The following EYA4 variants were observed in gnomAD, a reference collection of about 807,000 sequenced individuals.
EYA4 encodes protein phosphatase EYA4.
A neutral mutation model predicts 87.9 loss-of-function variants in EYA4; 31 were observed. The observed-to-expected ratio is 0.35, with a 90% confidence interval of 0.27 to 0.48. The LOEUF (loss-of-function observed/expected upper bound fraction) is 0.48. EYA4 is among the 20% of genes least tolerant of loss of function. The pLI is 0.99. For missense variants in EYA4, 678 were observed against 761.4 expected (o/e 0.89, Z 1.29); for synonymous variants, 263 against 270.6 (o/e 0.97, Z 0.28).
At chr6:133,266,880 T>A (rs1483617066) in intron 1 of EYA4, among the ~76,000 whole-genome samples, 1 of 152,206 alleles carries the variant, frequency 6.6e-6, no homozygotes, top group Non-Finnish European at 1.5e-5. Context: ...GTTTACATTA[T>A]CAGATACATT....
chr6:133,503,844 T>G (rs547761019), intron 13 of EYA4, among the ~76,000 whole-genome samples: 1 of 152,192 alleles, frequency 6.6e-6, no homozygotes, highest in African/African-American at 2.4e-5. Context: ...AAAAAAGAAT[T>G]TTATACTTGA....
intron 18 of EYA4, chr6:133,524,942 A>G (rs1800495711): frequency 2.3e-6 from 3 of 1,282,874 alleles, no homozygotes; most frequent in Non-Finnish European, 3.4e-6. Flanking sequence ...AAGAGGCATT[A>G]ACTTAACACT....
In EYA4 at chr6:133,531,192, T is replaced by C; in HGVS notation, c.*2387T>C. 3.3e-6 allele frequency: 5 copies of C among 1,535,164 alleles called. No individual in the cohort carries two copies. Among genetic ancestry groups the C allele is most frequent in the Non-Finnish European group, 4.4e-6 (5 of 1,146,814 alleles). ...GCAGTTTCTCACACACATCTCTTTT[T>C]CTGATTCTGTGTTCAGAAGAGGCTG... On this transcript the variant is annotated 3_prime_UTR_variant, in exon 20 of 20. Coordinates refer to ENST00000355286, the MANE Select transcript of EYA4 (RefSeq NM_004100.5).
intron 17 of EYA4, among the ~76,000 whole-genome samples, chr6:133,521,994 T>C (rs1342218782): frequency 3.2e-5 from 4 of 124,618 alleles, no homozygotes; most frequent in Admixed American, 3.1e-4. Context: ...AGGGATAGCA[T>C]TGGGAGATAT....
At chr6:133,290,694 T>G (rs1187282996) in intron 2 of EYA4, among the ~76,000 whole-genome samples, 2 of 152,184 alleles carry the variant, frequency 1.3e-5, no homozygotes, top group Non-Finnish European at 2.9e-5. Flanking sequence ...TACTAGGTGG[T>G]AGGACCTTTA....
At chr6:133,304,099 A>G (rs1779624393) in intron 2 of EYA4, among the ~76,000 whole-genome samples, 1 of 152,156 alleles carries the variant, frequency 6.6e-6, no homozygotes, top group Admixed American at 6.6e-5. Flanking sequence ...TGAGTATGAT[A>G]TTATTGCTAG....
At chr6:133,457,251 T>C (rs1793989538) in intron 6 of EYA4, among the ~76,000 whole-genome samples, 1 of 152,144 alleles carries the variant, frequency 6.6e-6, no homozygotes, top group African/African-American at 2.4e-5. Flanking sequence ...TATAAATACC[T>C]GATAACTCCC....
At chr6:133,269,186 G>A (rs1211576883) in intron 1 of EYA4, among the ~76,000 whole-genome samples, 1 of 152,134 alleles carries the variant, frequency 6.6e-6, no homozygotes, top group African/African-American at 2.4e-5. Flanking sequence ...TTGAACCCAC[G>A]AGGCAGAGGT....
intron 2 of EYA4, among the ~76,000 whole-genome samples, chr6:133,330,188 T>C (rs947911311): frequency 6.6e-6 from 1 of 152,026 alleles, no homozygotes; most frequent in Non-Finnish European, 1.5e-5. Context: ...GATAATAAAG[T>C]CAAGAGCGTC....
At chr6:133,413,610 T>A (rs1213549719) in intron 3 of EYA4, among the ~76,000 whole-genome samples, 1 of 152,224 alleles carries the variant, frequency 6.6e-6, no homozygotes, top group Non-Finnish European at 1.5e-5. Context: ...TTTATGCTTA[T>A]CCCTTAAGCA....
chr6:133,382,658 G>T (rs1450148566), intron 3 of EYA4, among the ~76,000 whole-genome samples: 1 of 151,922 alleles, frequency 6.6e-6, no homozygotes, highest in African/African-American at 2.4e-5. Flanking sequence ...AACAATAGTG[G>T]AAGTATCTCT....
intron 1 of EYA4, among the ~76,000 whole-genome samples, chr6:133,243,297 T>C (rs550071107): frequency 6.6e-6 from 1 of 152,200 alleles, no homozygotes; most frequent in South Asian, 2.1e-4. Context: ...CTTTCTCCCT[T>C]ACCCCTTTTG....
At chr6:133,341,189 G>C (rs1461398198) in intron 2 of EYA4, among the ~76,000 whole-genome samples, 3 of 152,178 alleles carry the variant, frequency 2.0e-5, no homozygotes, top group Admixed American at 2.0e-4. Context: ...ACAGCAAACA[G>C]TTGCCTAGGC....
intron 17 of EYA4, among the ~76,000 whole-genome samples, chr6:133,520,764 C>T (rs866204876): frequency 4.0e-5 from 6 of 151,012 alleles, no homozygotes; most frequent in Non-Finnish European, 3.0e-5. Context: ...ACCAAAACAG[C>T]GATATAGATC....
chr6:133,371,189 C>G (rs1451277626), intron 2 of EYA4, among the ~76,000 whole-genome samples: 1 of 152,106 alleles, frequency 6.6e-6, no homozygotes, highest in African/African-American at 2.4e-5. Context: ...GAGAACAACA[C>G]AATTCAGGCG....
intron 16 of EYA4, among the ~76,000 whole-genome samples, chr6:133,514,552 A>C (rs1799430155): frequency 6.6e-6 from 1 of 152,228 alleles, no homozygotes; most frequent in Admixed American, 6.5e-5. Context: ...ATTTTGATTG[A>C]AAAAACCATA....
Position 133,332,810 on chromosome 6 carries a change from C to T in EYA4, c.34-49582C>T, listed in dbSNP as rs369491299. ...ATCTCCTGACCTCGTGATCCGCCCG[C>T]GTTGGCCTCGCAGAGTGCTGGGATT... On this transcript the variant is annotated intron_variant, in intron 2 of 19. Coordinates refer to ENST00000355286, the MANE Select transcript of EYA4 (RefSeq NM_004100.5). Among the ~76,000 whole-genome samples the T allele has an allele frequency of 4.0e-5, 6 of 151,382 alleles. No individual in the cohort carries two copies. In the East Asian group the frequency reaches 5.9e-4, roughly 15 times the overall value.
chr6:133,351,192 T>G (rs757536603), intron 2 of EYA4, among the ~76,000 whole-genome samples: 11 of 152,220 alleles, frequency 7.2e-5, no homozygotes, highest in Non-Finnish European at 1.2e-4. Context: ...TAATCTAGTG[T>G]TAGTTTTGTC....
In EYA4 at chr6:133,354,893, T is replaced by C. The variant is rs77505073; in HGVS notation, c.34-27499T>C. The stretch of plus-strand genomic sequence containing the variant: ...AGTGTTTTGTTGTTGTTGTTGTTTT[T>C]TCACATGAAAGTTTGTGGGAAATCT... On this transcript the variant is annotated intron_variant, in intron 2 of 19. Transcript: ENST00000355286. Among the ~76,000 whole-genome samples the C allele has an allele frequency of 1.5e-3, 227 of 152,294 alleles. 7 individuals carry two copies. The East Asian group carries it at 0.043, about 29-fold the overall frequency.
Sources: allele counts gnomAD v4.1 joint callset (sites outside exome capture counted in the v4.1 genomes callset), GRCh38; gene constraint gnomAD v4.1.1; transcripts MANE v1.5; gene names NCBI Gene and HGNC (gene_info 2026-07-23, HGNC 2026-07-21).